CTNNA2: variants seen among roughly 807,000 people sequenced by gnomAD.
CTNNA2 encodes the protein catenin alpha 2.
A neutral mutation model predicts 101.0 loss-of-function variants in CTNNA2; 42 were observed. The ratio of observed to expected loss-of-function variants is 0.42; its 90% CI spans 0.32 to 0.54. CTNNA2 has a LOEUF of 0.54. Ranked by LOEUF, CTNNA2 falls within the 20% of genes least tolerant of loss-of-function variation. The probability of loss-of-function intolerance (pLI) is 0.14; values close to 1 mark genes in which losing one functional copy is unlikely to be tolerated. For synonymous variants in CTNNA2, 450 were observed against 456.4 expected (o/e 0.99, Z 0.18); for missense variants, 871 against 1,223.1 (o/e 0.71, Z 4.29).
At chr2:80,477,859 G>A (rs1685848406) in intron 9 of CTNNA2, among the ~76,000 whole-genome samples, 1 of 151,864 alleles carries the variant, frequency 6.6e-6, no homozygotes, top group Non-Finnish European at 1.5e-5. Context: ...ACATACACAT[G>A]CAGGTATTTT....
chr2:79,830,663 C>G (rs1375123459), intron 3 of CTNNA2, among the ~76,000 whole-genome samples: 1 of 152,158 alleles, frequency 6.6e-6, no homozygotes, highest in Non-Finnish European at 1.5e-5. Context: ...AGGTGTCTGA[C>G]AAGCTGGTCT....
At chr2:79,863,455 G>A (rs1377504652) in intron 4 of CTNNA2, among the ~76,000 whole-genome samples, 2 of 152,130 alleles carry the variant, frequency 1.3e-5, no homozygotes, top group African/African-American at 4.8e-5. Flanking sequence ...GATTCAATAA[G>A]TCGGAGTCTC....
intron 2 of CTNNA2, among the ~76,000 whole-genome samples, chr2:79,223,245 A>G (rs1025175586): frequency 8.5e-5 from 13 of 152,194 alleles, no homozygotes; most frequent in Non-Finnish European, 1.6e-4. Flanking sequence ...AGCAGTCTAC[A>G]TACAACCCAG....
chr2:80,152,073 C>A (rs910873196), intron 7 of CTNNA2, among the ~76,000 whole-genome samples: 1 of 152,216 alleles, frequency 6.6e-6, no homozygotes, highest in African/African-American at 2.4e-5. Context: ...GAGAGAGGAA[C>A]AGGGCAGAGC....
At chr2:80,286,870 T>A (rs914787694) in intron 7 of CTNNA2, among the ~76,000 whole-genome samples, 6 of 152,176 alleles carry the variant, frequency 3.9e-5, no homozygotes, top group Non-Finnish European at 7.3e-5. Flanking sequence ...ATGTAAACCC[T>A]TTGAGAGGAG....
chr2:79,960,976 G>T (rs766016600), intron 7 of CTNNA2, among the ~76,000 whole-genome samples: 16 of 152,166 alleles, frequency 1.1e-4, no homozygotes, highest in Non-Finnish European at 2.2e-4. Flanking sequence ...GTTTCACAAA[G>T]AGGCTCTTTA....
At chr2:80,105,081 T>A (rs1425691125) in intron 7 of CTNNA2, among the ~76,000 whole-genome samples, 1 of 152,230 alleles carries the variant, frequency 6.6e-6, no homozygotes, top group Non-Finnish European at 1.5e-5. Context: ...AAAGCAATTG[T>A]AATGGGACCG....
At chr2:80,050,882 A>AT (rs1038281313) in intron 7 of CTNNA2, among the ~76,000 whole-genome samples, 3 of 151,788 alleles carry the variant, frequency 2.0e-5, no homozygotes, top group African/African-American at 2.4e-5. Context: ...AAGCAAACTA[A>AT]TTTTTTTATT....
At chr2:80,531,706 G>T (rs1315886484) in intron 9 of CTNNA2, among the ~76,000 whole-genome samples, 4 of 152,282 alleles carry the variant, frequency 2.6e-5, no homozygotes, top group African/African-American at 9.6e-5. Context: ...GCTTTAAGGA[G>T]ACCTGGGAGG....
At chr2:79,482,228 C>T (rs7570469) in intron 4 of CTNNA2, among the ~76,000 whole-genome samples, 86,492 of 152,038 alleles carry the variant, frequency 0.57, 25,692 homozygotes, top group Non-Finnish European at 0.66. Context: ...TTTGTGATTT[C>T]AACCTGTAGC....
At chr2:79,707,692 C>A (rs1685473978) in intron 2 of CTNNA2, among the ~76,000 whole-genome samples, 1 of 152,206 alleles carries the variant, frequency 6.6e-6, no homozygotes, top group Non-Finnish European at 1.5e-5. Flanking sequence ...GAAGCCCATG[C>A]TTTGTCTACA....
chr2:80,573,818 A>T (rs1308670444), intron 12 of CTNNA2, among the ~76,000 whole-genome samples: 1 of 152,228 alleles, frequency 6.6e-6, no homozygotes, highest in Non-Finnish European at 1.5e-5. Context: ...TACAGTAACC[A>T]GTAACCAGCA....
intron 7 of CTNNA2, among the ~76,000 whole-genome samples, chr2:79,929,986 C>G (rs1423786759): frequency 6.6e-6 from 1 of 152,012 alleles, no homozygotes; most frequent in Non-Finnish European, 1.5e-5. Context: ...CCTGTAATCC[C>G]AGCACTTTGA....
chr2:79,687,805 G>A, intron 2 of CTNNA2: 1 of 464,862 alleles, frequency 2.2e-6, no homozygotes, highest in Non-Finnish European at 3.8e-6. Flanking sequence ...GCCAAAAATG[G>A]ATTTCACACT....
intron 4 of CTNNA2, among the ~76,000 whole-genome samples, chr2:79,427,657 C>T (rs1678607337): frequency 6.6e-6 from 1 of 151,512 alleles, no homozygotes; most frequent in Non-Finnish European, 1.5e-5. Context: ...AATCCTCCAT[C>T]TGACTTCAGG....
chr2:80,309,983 T>A (rs1482790013), intron 7 of CTNNA2, among the ~76,000 whole-genome samples: 1 of 151,980 alleles, frequency 6.6e-6, no homozygotes, highest in Non-Finnish European at 1.5e-5. Flanking sequence ...ACCTTGGAGC[T>A]TATTAGAAAT....
At chr2:80,249,294 G>C (rs189726384) in intron 7 of CTNNA2, among the ~76,000 whole-genome samples, 1 of 152,116 alleles carries the variant, frequency 6.6e-6, no homozygotes, top group Non-Finnish European at 1.5e-5. Context: ...CGTCGCATAG[G>C]GCATTCAGGT....
At chr2:80,417,975 G>C (rs1203779080) in intron 8 of CTNNA2, among the ~76,000 whole-genome samples, 2 of 152,202 alleles carry the variant, frequency 1.3e-5, no homozygotes, top group Middle Eastern at 3.4e-3. Flanking sequence ...AAATATGTTT[G>C]TCTAATTGTT....
intron 7 of CTNNA2, among the ~76,000 whole-genome samples, chr2:79,961,470 C>T (rs2104531641): frequency 6.6e-6 from 1 of 152,238 alleles, no homozygotes; most frequent in East Asian, 1.9e-4. Context: ...GTTCTGATTG[C>T]AACGGTGAAG....
Sources: allele counts gnomAD v4.1 joint callset (sites outside exome capture counted in the v4.1 genomes callset), GRCh38; gene constraint gnomAD v4.1.1; transcripts MANE v1.5; gene names NCBI Gene and HGNC (gene_info 2026-07-23, HGNC 2026-07-21).